ZNF385B: variants seen among roughly 807,000 people sequenced by gnomAD.
ZNF385B encodes the protein zinc finger protein 385B.
In ZNF385B, 23 loss-of-function variants were observed where a neutral mutation model predicts 39.2. The observed-to-expected ratio is 0.59, with a 90% confidence interval of 0.42 to 0.83. The LOEUF is 0.83. Ranked by LOEUF, ZNF385B falls within the 40% of genes least tolerant of loss-of-function variation. The probability of loss-of-function intolerance (pLI) is 0.00; values close to 1 mark genes in which losing one functional copy is unlikely to be tolerated. For missense variants in ZNF385B, 552 were observed against 598.9 expected (o/e 0.92, Z 0.82); for synonymous variants, 205 against 222.6 (o/e 0.92, Z 0.70).
intron 1 of ZNF385B, among the ~76,000 whole-genome samples, chr2:179,800,192 T>C (rs928297649): frequency 6.6e-6 from 1 of 152,104 alleles, no homozygotes; most frequent in African/African-American, 2.4e-5. Context: ...ATCTATATTT[T>C]ATATTAAGGG....
At chr2:179,766,794 AG>A (rs1703723698) in intron 3 of ZNF385B, among the ~76,000 whole-genome samples, 1 of 152,164 alleles carries the variant, frequency 6.6e-6, no homozygotes, top group Non-Finnish European at 1.5e-5. Flanking sequence ...GTGTGTGTGA[AG>A]AAACACAATT....
At chr2:179,636,019 A>G (rs145385163) in intron 3 of ZNF385B, among the ~76,000 whole-genome samples, 301 of 152,334 alleles carry the variant, frequency 2.0e-3, no homozygotes, top group Middle Eastern at 0.01. Context: ...CCCAAAGAAA[A>G]AATGTATGAT....
At chr2:179,710,006 T>G (rs1486417491) in intron 3 of ZNF385B, among the ~76,000 whole-genome samples, 1 of 152,198 alleles carries the variant, frequency 6.6e-6, no homozygotes, top group African/African-American at 2.4e-5. Context: ...AGTGCAGGAA[T>G]GGATGGAGGC....
At chr2:179,638,775 T>G (rs1393556976) in intron 3 of ZNF385B, among the ~76,000 whole-genome samples, 2 of 152,050 alleles carry the variant, frequency 1.3e-5, no homozygotes, top group African/African-American at 4.8e-5. Flanking sequence ...AGGGCTGAAG[T>G]ATCTGAATGT....
At chr2:179,604,302 G>C (rs1688630616) in intron 3 of ZNF385B, among the ~76,000 whole-genome samples, 1 of 151,826 alleles carries the variant, frequency 6.6e-6, no homozygotes, top group Non-Finnish European at 1.5e-5. Context: ...TTAAAGTATA[G>C]AACTATTAAA....
At chr2:179,595,069 A>G (rs564654755) in intron 3 of ZNF385B, among the ~76,000 whole-genome samples, 183 of 152,360 alleles carry the variant, frequency 1.2e-3, no homozygotes, top group Non-Finnish European at 1.5e-3. Context: ...GCCAATAAAA[A>G]TAATCTTTTA....
intron 3 of ZNF385B, among the ~76,000 whole-genome samples, chr2:179,631,115 A>C (rs1691168128): frequency 6.6e-6 from 1 of 152,196 alleles, no homozygotes; most frequent in Non-Finnish European, 1.5e-5. Flanking sequence ...CATCCAGGAG[A>C]ACTTCCCCAA....
intron 3 of ZNF385B, among the ~76,000 whole-genome samples, chr2:179,674,306 A>G (rs1696452444): frequency 6.6e-6 from 1 of 152,212 alleles, no homozygotes; most frequent in Non-Finnish European, 1.5e-5. Context: ...AAGTAAATGT[A>G]GAATTGTAAT....
intron 3 of ZNF385B, among the ~76,000 whole-genome samples, chr2:179,721,273 T>C (rs991629349): frequency 1.3e-5 from 2 of 152,058 alleles, no homozygotes; most frequent in African/African-American, 4.8e-5. Flanking sequence ...TATAATACAA[T>C]GTGGAAAACA....
At chr2:179,669,504 A>G (rs1476615207) in intron 3 of ZNF385B, among the ~76,000 whole-genome samples, 1 of 152,218 alleles carries the variant, frequency 6.6e-6, no homozygotes, top group Non-Finnish European at 1.5e-5. Context: ...GTGACCACTA[A>G]GCCCAGATCA....
chr2:179,551,675 A>G (rs552583216), intron 3 of ZNF385B, among the ~76,000 whole-genome samples: 18 of 152,260 alleles, frequency 1.2e-4, no homozygotes, highest in African/African-American at 4.3e-4. Context: ...ATACCCATAA[A>G]TATAGAAACT....
Position 179,607,247 on chromosome 2 carries a change from C to T in ZNF385B, c.299-62278G>A, listed in dbSNP as rs114686708. On this transcript the variant is annotated intron_variant, in intron 3 of 9. Coordinates refer to ENST00000410066, the MANE Select transcript of ZNF385B (RefSeq NM_152520.6). ...GATATGGTTTGGCTCTGTGTCCCCA[C>T]CCAAATCCTATCTTGAATTGTAATC... 8.4e-3 allele frequency among the ~76,000 whole-genome samples: 1,281 copies of T among 152,196 alleles called. 19 individuals carry two copies. Among genetic ancestry groups the T allele is most frequent in the African/African-American group, 0.03 (1,232 of 41,532 alleles).
intron 5 of ZNF385B, among the ~76,000 whole-genome samples, chr2:179,518,002 T>A (rs534417563): frequency 6.6e-6 from 1 of 152,294 alleles, no homozygotes; most frequent in South Asian, 2.1e-4. Flanking sequence ...GCAATTGATA[T>A]CAAATAGTAA....
chr2:179,554,174 C>T (rs2060758309), intron 3 of ZNF385B, among the ~76,000 whole-genome samples: 1 of 149,118 alleles, frequency 6.7e-6, no homozygotes, highest in African/African-American at 2.5e-5. Flanking sequence ...CTAACTACTC[C>T]TAATCCTTGA....
chr2:179,683,778 G>A (rs1335090102), intron 3 of ZNF385B, among the ~76,000 whole-genome samples: 1 of 152,146 alleles, frequency 6.6e-6, no homozygotes, highest in South Asian at 2.1e-4. Flanking sequence ...GCCTGGCCTT[G>A]AAATGTTTTA....
chr2:179,622,742 T>C (rs1426178282), intron 3 of ZNF385B, among the ~76,000 whole-genome samples: 1 of 152,196 alleles, frequency 6.6e-6, no homozygotes, highest in Non-Finnish European at 1.5e-5. Flanking sequence ...TGGTCTGGCA[T>C]GAATTTCTGT....
intron 4 of ZNF385B, among the ~76,000 whole-genome samples, chr2:179,539,453 G>A (rs563111372): frequency 6.6e-6 from 1 of 152,262 alleles, no homozygotes; most frequent in African/African-American, 2.4e-5. Context: ...ATGTAAATAT[G>A]TCTTATAAAT....
chr2:179,617,955 A>T (rs999153231), intron 3 of ZNF385B, among the ~76,000 whole-genome samples: 3 of 152,152 alleles, frequency 2.0e-5, no homozygotes, highest in Admixed American at 2.0e-4. Flanking sequence ...GGAGCCTTCT[A>T]ATCACACGTT....
At chr2:179,794,301 A>G (rs1705518095) in intron 1 of ZNF385B, among the ~76,000 whole-genome samples, 2 of 152,188 alleles carry the variant, frequency 1.3e-5, no homozygotes, top group Non-Finnish European at 2.9e-5. Flanking sequence ...GATAATATTT[A>G]TTATTTATGC....
Sources: allele counts gnomAD v4.1 joint callset (sites outside exome capture counted in the v4.1 genomes callset), GRCh38; gene constraint gnomAD v4.1.1; transcripts MANE v1.5; gene names NCBI Gene and HGNC (gene_info 2026-07-23, HGNC 2026-07-21).